The following PPEF1 variants were observed in gnomAD, a reference collection of about 807,000 sequenced individuals.
PPEF1 encodes the protein serine/threonine-protein phosphatase with EF-hands 1.
In PPEF1, 12 loss-of-function variants were observed where a neutral mutation model predicts 53.3. The ratio of observed to expected loss-of-function variants is 0.23; its 90% CI spans 0.14 to 0.36. PPEF1 has a LOEUF of 0.36. Among genes scored for constraint, PPEF1 ranks in the 10% least tolerant of loss-of-function variants. The probability of loss-of-function intolerance (pLI) is 1.00; values close to 1 mark genes in which losing one functional copy is unlikely to be tolerated. For missense variants in PPEF1, 334 were observed against 490.4 expected, an observed-to-expected ratio of 0.68 and a Z score of 3.01; for synonymous variants, 165 against 176.7, an observed-to-expected ratio of 0.93 and a Z score of 0.52.
At chrX:18,720,235 G>GGA (rs35441137) in intron 1 of PPEF1, among the ~76,000 whole-genome samples, 34 of 106,698 alleles carry the variant, frequency 3.2e-4, no homozygotes, top group South Asian at 8.2e-4. Flanking sequence ...GATGGTATAT[G>GGA]GAGAGAGAGA....
At chrX:18,748,013 A>G (rs1309085258) in intron 3 of PPEF1, among the ~76,000 whole-genome samples, 2 of 112,071 alleles carry the variant, frequency 1.8e-5, no homozygotes, top group African/African-American at 6.5e-5. Context: ...ATGGGCATTG[A>G]AGACAGTGAA....
At chrX:18,734,163 G>A (rs945936623) in intron 3 of PPEF1, among the ~76,000 whole-genome samples, 18 of 108,393 alleles carry the variant, frequency 1.7e-4, no homozygotes, top group African/African-American at 5.4e-4. Flanking sequence ...AAGTTCTAGG[G>A]TACATGTGAT....
chrX:18,730,502 G>A (rs894181054), intron 2 of PPEF1, among the ~76,000 whole-genome samples, 194 bp downstream of exon 2: 6 of 111,155 alleles, frequency 5.4e-5, no homozygotes, highest in East Asian at 2.8e-4. Flanking sequence ...GTGTTTTTCC[G>A]TTTTGAAGTT....
Position 18,824,014 on chromosome X carries a change from C to T in PPEF1, c.1593C>T (p.Asn531=). ...PWRSLSSNLV[N]IDQNGNVEYM... is the part of the protein sequence containing the mutation. ...GATCCCTCAGTTCGAATCTGGTAAACATAGACCAAAATGGAAACGTTGAAT... is the reference window on the plus strand; with the variant it reads ...GATCCCTCAGTTCGAATCTGGTAAATATAGACCAAAATGGAAACGTTGAAT... The change falls in exon 14 of 16, where the codon AAC becomes AAT. Residue 531 remains asparagine, a synonymous_variant. Coordinates refer to ENST00000470157, the MANE Select transcript of PPEF1 (RefSeq NM_001377996.1). 8.3e-7 allele frequency: 1 copy of T among 1,206,216 alleles called. No homozygotes were observed. Among genetic ancestry groups the T allele is most frequent in the South Asian group, 1.8e-5 (1 of 56,461 alleles).
chrX:18,821,570 A>G (rs975345198), intron 13 of PPEF1, among the ~76,000 whole-genome samples: 2 of 109,744 alleles, frequency 1.8e-5, no homozygotes, highest in Non-Finnish European at 3.8e-5. Flanking sequence ...CACCACGCCC[A>G]GCTAATTATT....
chrX:18,776,892 C>T lies in PPEF1; in HGVS notation c.559-2118C>T, dbSNP rs192026070. ...CTGAGATCGCGCCATTGCACTCCAG[C>T]CTGGGCAACAAGAGCGAAACTCCAT... On this transcript the variant is annotated intron_variant, in intron 6 of 15. Transcript: ENST00000470157. Among the ~76,000 whole-genome samples the T allele has an allele frequency of 6.1e-3, 685 of 111,943 alleles. 9 individuals carry two copies. Among genetic ancestry groups the T allele is most frequent in the African/African-American group, 0.021 (654 of 30,849 alleles).
chrX:18,733,138 G>A (rs1005508869), intron 2 of PPEF1, among the ~76,000 whole-genome samples: 6 of 111,552 alleles, frequency 5.4e-5, no homozygotes, highest in Admixed American at 1.9e-4. Flanking sequence ...CCGGGGAGGC[G>A]GAGGTTACAG....
intron 7 of PPEF1, among the ~76,000 whole-genome samples, chrX:18,782,007 G>C (rs1254785435): frequency 9.0e-6 from 1 of 111,679 alleles, no homozygotes; most frequent in Non-Finnish European, 1.9e-5. Context: ...TAAATGAAAA[G>C]TCTTCTCTCA....
At chrX:18,735,161 G>A (rs2044944648) in intron 3 of PPEF1, among the ~76,000 whole-genome samples, 1 of 111,722 alleles carries the variant, frequency 9.0e-6, no homozygotes, top group African/African-American at 3.2e-5. Flanking sequence ...TTTGGCTTTT[G>A]TTGCCATTGC....
chrX:18,813,399 C>T (rs1409842705), intron 12 of PPEF1, among the ~76,000 whole-genome samples: 1 of 93,080 alleles, frequency 1.1e-5, no homozygotes, highest in African/African-American at 4.1e-5. Context: ...AAAAAAAAAA[C>T]AATTGATTTT....
chrX:18,765,044 G>A (rs1014991799), intron 6 of PPEF1, among the ~76,000 whole-genome samples: 2 of 111,929 alleles, frequency 1.8e-5, no homozygotes, highest in African/African-American at 6.5e-5. Flanking sequence ...TGAAAATATA[G>A]CATTCAAATG....
intron 6 of PPEF1, among the ~76,000 whole-genome samples, chrX:18,766,078 A>AAAAAAAG (rs1040474234): frequency 2.5e-3 from 261 of 103,630 alleles, no homozygotes; most frequent in African/African-American, 9.7e-3. Context: ...AAAAAAAAAA[A>AAAAAAAG]AAAAAAGAAA....
chrX:18,728,171 G>GTCTCTCTCTCTCTCTCGCTCTCTCTC (rs2044752498), intron 1 of PPEF1, among the ~76,000 whole-genome samples: 3 of 106,749 alleles, frequency 2.8e-5, no homozygotes, highest in Non-Finnish European at 5.8e-5. Flanking sequence ...CTCTCTCTCT[G>GTCTCTCTCTCTCTCTCGCTCTCTCTC]TCTCTCTCTC....
intron 1 of PPEF1, among the ~76,000 whole-genome samples, chrX:18,722,355 C>CT (rs2044606920): frequency 8.9e-6 from 1 of 112,075 alleles, no homozygotes; most frequent in Admixed American, 9.5e-5. Flanking sequence ...TGGGTCTCTT[C>CT]TTGCCTGGAG....
chrX:18,689,634 T>C (rs1175476378), intron 3 of PPEF1, among the ~76,000 whole-genome samples: 1 of 109,851 alleles, frequency 9.1e-6, no homozygotes, highest in Non-Finnish European at 1.9e-5. Context: ...CTAAATCAGA[T>C]TGGGATTCAG....
At chrX:18,823,700 C>T (rs924661539) in intron 13 of PPEF1, among the ~76,000 whole-genome samples, 6 of 110,112 alleles carry the variant, frequency 5.4e-5, no homozygotes, top group African/African-American at 2.0e-4. Flanking sequence ...AAAAAAAAAT[C>T]TAACACGTGA....
chrX:18,727,014 G>T lies in PPEF1; in HGVS notation c.47-3167G>T, dbSNP rs139756510. Among the ~76,000 whole-genome samples, 205 of 112,305 alleles carry T rather than the reference G, an allele frequency of 1.8e-3. 5 individuals are homozygous for T. The East Asian group carries it at 0.05, about 28-fold the overall frequency. On this transcript the variant is annotated intron_variant, in intron 1 of 15. Transcript: ENST00000470157. Reference sequence around the variant, plus strand: ...CTAATACCAAATAGAAGAGACTTCAGTGATCATTTATTCTACAACATCATT... The same window carrying T: ...CTAATACCAAATAGAAGAGACTTCATTGATCATTTATTCTACAACATCATT...
At chrX:18,702,621 C>CT (rs1930208447) in intron 6 of PPEF1, among the ~76,000 whole-genome samples, 1 of 108,110 alleles carries the variant, frequency 9.2e-6, no homozygotes, top group South Asian at 4.1e-4. Flanking sequence ...CACGGCCTGT[C>CT]TTTTGTACTT....
chrX:18,693,036 G>A (rs1268626666), intron 4 of PPEF1, among the ~76,000 whole-genome samples: 2 of 111,620 alleles, frequency 1.8e-5, no homozygotes, highest in African/African-American at 3.3e-5. Flanking sequence ...TTAAAAATAA[G>A]GAGATCGTAC....
Sources: gnomAD v4.1 joint callset for allele counts (sites outside exome capture counted in the v4.1 genomes callset) on GRCh38, gnomAD v4.1.1 for gene constraint, MANE v1.5 for transcripts, NCBI Gene and HGNC (gene_info 2026-07-23, HGNC 2026-07-21) for gene names.